Variants in PTPRM observed in about 807,000 individuals in gnomAD.
PTPRM encodes the protein protein tyrosine phosphatase receptor type M, also known as receptor-type tyrosine-protein phosphatase mu.
A neutral mutation model predicts 186.7 loss-of-function variants in PTPRM; 47 were observed. The ratio of observed to expected loss-of-function variants is 0.25; its 90% CI spans 0.20 to 0.32. The LOEUF (loss-of-function observed/expected upper bound fraction) is 0.32. PTPRM is among the 10% of genes least tolerant of loss of function. The pLI, the probability that PTPRM is intolerant of heterozygous loss-of-function variation, is 1.00. For missense variants in PTPRM, 1,494 were observed against 1,865.0 expected (o/e 0.80, Z 3.66); for synonymous variants, 668 against 674.9 (o/e 0.99, Z 0.16).
Position 8,406,260 on chromosome 18 carries a change from A to G in PTPRM, c.*98A>G, listed in dbSNP as rs925294371. 27 of 1,198,316 alleles carry G rather than the reference A, an allele frequency of 2.3e-5. No individual in the cohort carries two copies. The highest frequency in any genetic ancestry group is 4.6e-5 in the African/African-American group (3 of 65,280). 74.2% of individuals were successfully genotyped at this position (1,198,316 alleles called of 1,614,324 possible). A position where few individuals can be genotyped will look rare whatever the true frequency, so the allele number is the denominator to read the frequency against. The stretch of plus-strand genomic sequence containing the variant: ...GAGATGAAGACTTCTCAATATGCTT[A>G]TTTTGCTTTGCATAATTGGCTCTTT... On this transcript the variant is annotated 3_prime_UTR_variant, in exon 33 of 33. Coordinates refer to ENST00000580170, the MANE Select transcript of PTPRM (RefSeq NM_001105244.2).
intron 1 of PTPRM, among the ~76,000 whole-genome samples, chr18:7,614,473 C>T (rs898627864): frequency 6.6e-6 from 1 of 152,172 alleles, no homozygotes; most frequent in African/African-American, 2.4e-5. Context: ...ATTAGAGCTT[C>T]TTGCAAGCTT....
At chr18:7,719,236 C>G (rs1160452708) in intron 1 of PTPRM, among the ~76,000 whole-genome samples, 1 of 152,150 alleles carries the variant, frequency 6.6e-6, no homozygotes, top group African/African-American at 2.4e-5. Context: ...GAAATAATGG[C>G]CTTTGCAGCA....
intron 14 of PTPRM, among the ~76,000 whole-genome samples, chr18:8,187,707 C>T (rs1036024383): frequency 4.6e-5 from 7 of 152,224 alleles, no homozygotes; most frequent in East Asian, 3.9e-4. Flanking sequence ...GTGAAGTTAA[C>T]GGGACTTGGA....
chr18:7,657,550 G>C (rs550682057), intron 1 of PTPRM, among the ~76,000 whole-genome samples: 1 of 152,270 alleles, frequency 6.6e-6, no homozygotes, highest in South Asian at 2.1e-4. Context: ...CCGTAATGCA[G>C]AATGACAGAA....
chr18:7,958,207 C>CA (rs534178363), intron 7 of PTPRM, among the ~76,000 whole-genome samples: 41,490 of 115,158 alleles, frequency 0.36, 7,185 homozygotes, highest in South Asian at 0.46. Flanking sequence ...CCATCCCCTG[C>CA]AAAAAAAAAA....
chr18:7,733,485 A>T (rs4424981), intron 1 of PTPRM, among the ~76,000 whole-genome samples: 7,386 of 152,100 alleles, frequency 0.049, 454 homozygotes, highest in East Asian at 0.13. Context: ...CAGTCTATCA[A>T]TGATAGGCAT....
chr18:7,908,330 T>A (rs2146577856), intron 4 of PTPRM, among the ~76,000 whole-genome samples: 1 of 152,342 alleles, frequency 6.6e-6, no homozygotes, highest in Non-Finnish European at 1.5e-5. Context: ...GGCTAGTTCA[T>A]ATATTTCATG....
intron 22 of PTPRM, among the ~76,000 whole-genome samples, chr18:8,320,746 A>C (rs1334779125): frequency 6.6e-6 from 1 of 152,106 alleles, no homozygotes; most frequent in Admixed American, 6.5e-5. Flanking sequence ...TCACATCACC[A>C]CTAGGTTACT....
intron 14 of PTPRM, among the ~76,000 whole-genome samples, chr18:8,176,435 A>G (rs1256724839): frequency 6.6e-6 from 1 of 152,212 alleles, no homozygotes; most frequent in Non-Finnish European, 1.5e-5. Context: ...TTATTCATCA[A>G]ATATAAACAC....
intron 1 of PTPRM, among the ~76,000 whole-genome samples, chr18:7,680,215 A>G (rs1568025050): frequency 6.6e-6 from 1 of 152,314 alleles, no homozygotes; most frequent in East Asian, 1.9e-4. Context: ...GACGGAAGCT[A>G]TAAATGCTAA....
chr18:7,745,473 C>A (rs2040967251), intron 1 of PTPRM, among the ~76,000 whole-genome samples: 1 of 152,116 alleles, frequency 6.6e-6, no homozygotes, highest in Admixed American at 6.5e-5. Context: ...CTGGGAGAGG[C>A]AACTAAATTG....
At chr18:7,985,337 A>G (rs1409937063) in intron 7 of PTPRM, among the ~76,000 whole-genome samples, 6 of 131,216 alleles carry the variant, frequency 4.6e-5, no homozygotes, top group Non-Finnish European at 9.5e-5. Flanking sequence ...ATATAATTGT[A>G]TATACACATA....
chr18:8,113,076 CA>C (rs1467944501), intron 11 of PTPRM, among the ~76,000 whole-genome samples: 35 of 152,226 alleles, frequency 2.3e-4, no homozygotes, highest in African/African-American at 7.9e-4. Flanking sequence ...GAAAATAATG[CA>C]TTGCTTTTTA....
chr18:7,798,243 A>G (rs1165653841), intron 2 of PTPRM, among the ~76,000 whole-genome samples: 1 of 152,162 alleles, frequency 6.6e-6, no homozygotes, highest in African/African-American at 2.4e-5. Flanking sequence ...AAAAATGGTT[A>G]AGATGGGCCG....
At chr18:8,369,227 G>A (rs938661828) in intron 23 of PTPRM, among the ~76,000 whole-genome samples, 7 of 152,178 alleles carry the variant, frequency 4.6e-5, no homozygotes, top group African/African-American at 1.7e-4. Context: ...AATGCTGGTT[G>A]GGGCCATATT....
At chr18:8,348,738 C>T (rs959215690) in intron 23 of PTPRM, among the ~76,000 whole-genome samples, 2 of 152,194 alleles carry the variant, frequency 1.3e-5, no homozygotes, top group African/African-American at 4.8e-5. Context: ...AGACTTTTTA[C>T]ACCGGTAATT....
intron 7 of PTPRM, among the ~76,000 whole-genome samples, chr18:8,020,934 A>G (rs981005838): frequency 1.3e-5 from 2 of 152,128 alleles, no homozygotes; most frequent in African/African-American, 4.8e-5. Context: ...GTAATTCACC[A>G]AAGTTTCCCA....
At chr18:8,385,580 A>G (rs984936029) in intron 30 of PTPRM, among the ~76,000 whole-genome samples, 26 of 152,164 alleles carry the variant, frequency 1.7e-4, no homozygotes, top group African/African-American at 6.3e-4. Context: ...CCAGGACAGC[A>G]AGGAGGCGGC....
At chr18:7,935,204 A>T (rs961598431) in intron 5 of PTPRM, among the ~76,000 whole-genome samples, 1 of 152,196 alleles carries the variant, frequency 6.6e-6, no homozygotes, top group Non-Finnish European at 1.5e-5. Flanking sequence ...CATTCCAGAA[A>T]ATACTAGAAA....
Sources: allele counts gnomAD v4.1 joint callset (sites outside exome capture counted in the v4.1 genomes callset), GRCh38; gene constraint gnomAD v4.1.1; transcripts MANE v1.5; gene names NCBI Gene and HGNC (gene_info 2026-07-23, HGNC 2026-07-21).